Variants in RTCB observed in about 807,000 individuals in gnomAD.
RTCB encodes RNA-splicing ligase RTCB.
A neutral mutation model predicts 58.2 loss-of-function variants in RTCB; 32 were observed. That is an observed-to-expected ratio of 0.55 (90% CI 0.41 to 0.74). RTCB has a LOEUF of 0.74. Ranked by LOEUF, RTCB falls within the 30% of genes least tolerant of loss-of-function variation. RTCB has a pLI of 0.00. For synonymous variants in RTCB, 247 were observed against 218.6 expected, an observed-to-expected ratio of 1.13 and a Z score of -1.15; for missense variants, 523 against 639.0, an observed-to-expected ratio of 0.82 and a Z score of 1.96.
intron 1 of RTCB, among the ~76,000 whole-genome samples, chr22:32,411,704 G>A (rs1193819288): frequency 1.3e-5 from 2 of 152,192 alleles, no homozygotes; most frequent in African/African-American, 2.4e-5. Flanking sequence ...TGAACCTGGG[G>A]CTGGCTGTTC....
intron 11 of RTCB, among the ~76,000 whole-genome samples, chr22:32,391,385 C>T (rs1372777731): frequency 6.7e-6 from 1 of 149,988 alleles, no homozygotes; most frequent in Admixed American, 6.7e-5. Flanking sequence ...AAAACTATGA[C>T]AATAAGTAAA....
In RTCB at chr22:32,398,056, A is replaced by C. The variant is rs187267463; in HGVS notation, c.699T>G (p.Val233=). The C allele has an allele frequency of 1.4e-5, 23 of 1,614,146 alleles. No individual in the cohort carries two copies. Among genetic ancestry groups the C allele is most frequent in the Non-Finnish European group, 1.8e-5 (21 of 1,180,002 alleles). ...GAGNHYAEIQ[V]VDEIFNEYAA... is the part of the protein sequence containing the mutation. The stretch of plus-strand genomic sequence containing the variant: ...CATACTCATTGAAAATCTCATCCAC[A>C]ACCTGGATTTCTGCATAATGGTTGC... The change falls in exon 7 of 12, where the codon GTT becomes GTG. Residue 233 remains valine (V), a synonymous_variant. Coordinates refer to ENST00000216038, the MANE Select transcript of RTCB (RefSeq NM_014306.5).
Position 32,411,782 on chromosome 22 carries a change from T to C in RTCB, c.93+282A>G, listed in dbSNP as rs9609537. Among the ~76,000 whole-genome samples, 49,864 of 152,028 alleles carry C rather than the reference T, an allele frequency of 0.33. 8,350 individuals carry two copies. The highest frequency in any genetic ancestry group is 0.47 in the Middle Eastern group (138 of 294). ...GCTCACGATACGTTTATGAGACTGA[T>C]CTGTGAAAACGCTTTGGAAACCCCA... On this transcript the variant is annotated intron_variant, in intron 1 of 11. Transcript: ENST00000216038.
At chr22:32,411,053 C>A (rs1246048776) in intron 1 of RTCB, among the ~76,000 whole-genome samples, 1 of 152,158 alleles carries the variant, frequency 6.6e-6, no homozygotes, top group Non-Finnish European at 1.5e-5. Flanking sequence ...ACGGTTTCCA[C>A]ACAAAGAAAG....
chr22:32,392,103 G>A, intron 11 of RTCB, 137 bp downstream of exon 11: 2 of 858,132 alleles, frequency 2.3e-6, no homozygotes, highest in Admixed American at 2.8e-5. Context: ...AGGAAGATAA[G>A]CCAAAATTGA....
chr22:32,392,132 C>A (rs1054769120), intron 11 of RTCB, 108 bp downstream of exon 11: 14 of 1,215,796 alleles, frequency 1.2e-5, no homozygotes, highest in South Asian at 5.5e-5. Flanking sequence ...AAAAAAATAA[C>A]CCAAACAATT....
At chr22:32,409,815 A>G (rs1406412869) in intron 1 of RTCB, among the ~76,000 whole-genome samples, 3 of 108,024 alleles carry the variant, frequency 2.8e-5, no homozygotes, top group Non-Finnish European at 5.6e-5. Context: ...CAGCTCTTAT[A>G]TACTTTTGTT....
At chr22:32,394,599 C>T (rs978088376) in intron 9 of RTCB, among the ~76,000 whole-genome samples, 45 of 152,082 alleles carry the variant, frequency 3.0e-4, no homozygotes, top group African/African-American at 1.1e-3. Flanking sequence ...GAACCACCAT[C>T]CTGAGCAAGG....
In RTCB at chr22:32,400,565, C is replaced by A. The variant is rs931497619; in HGVS notation, c.498-806G>T. Among the ~76,000 whole-genome samples the A allele has an allele frequency of 4.6e-5, 7 of 152,292 alleles. No individual in the cohort carries two copies. In the East Asian group the frequency reaches 1.3e-3, roughly 29 times the overall value. ...ATTTCAGTATTAGTAGACAAAATTC[C>A]TATCTAAAATGTTTATAAAGATGTT... On this transcript the variant is annotated intron_variant, in intron 5 of 11. Transcript: ENST00000216038.
In RTCB at chr22:32,396,130, C is replaced by T. The variant is rs760031450; in HGVS notation, c.934G>A (p.Ala312Thr). 2 of 1,614,072 alleles carry T rather than the reference C, an allele frequency of 1.2e-6. No homozygotes were observed. Among genetic ancestry groups the T allele is most frequent in the Middle Eastern group, 1.6e-4 (1 of 6,084 alleles). Reference protein sequence around the residue: ...EGQDYLKGMAAAGNYAWVNRS... With the variant: ...EGQDYLKGMATAGNYAWVNRS... Reference sequence around the variant, plus strand: ...TTGACCCAGGCATAGTTCCCAGCAGCTGCCATTCCCTTCAGATAGTCTTGA... The same window carrying T: ...TTGACCCAGGCATAGTTCCCAGCAGTTGCCATTCCCTTCAGATAGTCTTGA... Residue 312 changes from alanine to threonine, a missense_variant, in exon 8 of 12, where the codon GCT becomes ACT. By Grantham distance (58) the Ala-to-Thr change is moderately conservative. Transcript: ENST00000216038.
intron 1 of RTCB, among the ~76,000 whole-genome samples, chr22:32,409,369 A>T (rs1315605626): frequency 6.6e-6 from 1 of 152,136 alleles, no homozygotes. Flanking sequence ...GAAAAATTTA[A>T]CATGCAGCTA....
At chr22:32,403,412 A>C (rs1933370755) in intron 4 of RTCB, among the ~76,000 whole-genome samples, 1 of 152,174 alleles carries the variant, frequency 6.6e-6, no homozygotes, top group African/African-American at 2.4e-5. Context: ...GTCTCAAAAA[A>C]AAAAGAAAAA....
In RTCB at chr22:32,408,790, ATC is replaced by A. The variant is rs1454618939; in HGVS notation, c.135_136del (p.Leu45PhefsTer3). 1 of 1,614,052 alleles carries A rather than the reference ATC, an allele frequency of 6.2e-7. No homozygotes were observed. The highest frequency in any genetic ancestry group is 1.1e-5 in the South Asian group (1 of 91,072). On this transcript the variant is annotated frameshift_variant, in exon 2 of 12. Transcript: ENST00000216038. LOFTEE classifies it high-confidence loss of function. ...ACAGGCATTCCTTAATTCCTCAAAC[ATC>A]AATTTCTCCAGAGCATCATTCACAT...
chr22:32,394,362 T>C (rs955074491), intron 9 of RTCB, among the ~76,000 whole-genome samples: 2 of 152,014 alleles, frequency 1.3e-5, no homozygotes, highest in Non-Finnish European at 2.9e-5. Flanking sequence ...TTGCCCGCCT[T>C]GGCCTCCGAA....
chr22:32,393,549 G>A (rs73881679), intron 10 of RTCB, among the ~76,000 whole-genome samples: 5,263 of 152,304 alleles, frequency 0.035, 288 homozygotes, highest in African/African-American at 0.12. Flanking sequence ...GGTCCAGTCA[G>A]TCGCTGAGAT....
intron 4 of RTCB, among the ~76,000 whole-genome samples, chr22:32,404,701 C>T (rs1329514707): frequency 6.6e-6 from 1 of 152,104 alleles, no homozygotes; most frequent in Non-Finnish European, 1.5e-5. Flanking sequence ...GTTTTTGAGA[C>T]AGGGTCTCAC....
At chr22:32,404,740 G>A (rs867984471) in intron 4 of RTCB, among the ~76,000 whole-genome samples, 3 of 151,954 alleles carry the variant, frequency 2.0e-5, no homozygotes, top group South Asian at 2.1e-4. Flanking sequence ...CTGCAGTGGC[G>A]CAATCTCAGC....
Position 32,388,093 on chromosome 22 carries a change from C to G in RTCB, c.1417G>C (p.Glu473Gln). The change falls in exon 12 of 12, where the codon GAG becomes CAG. Residue 473 changes from glutamate (E) to glutamine (Q), a missense_variant. By Grantham distance (29) the Glu-to-Gln change is conservative. This residue lies in a region of RTCB where 248 missense variants were observed against 292.5 expected (regional missense o/e 0.85). Coordinates refer to ENST00000216038, the MANE Select transcript of RTCB (RefSeq NM_014306.5). ...ACATCTGTCACATTCTTATAGGACT[C>G]AGGAGCCTGCAGGAGAGGAATTTAA... ...SPKLVMEEAPESYKNVTDVVN... is the reference protein window; with the variant it reads ...SPKLVMEEAPQSYKNVTDVVN... 6.3e-7 allele frequency: 1 copy of G among 1,594,814 alleles called. No individual in the cohort carries two copies. The highest frequency in any genetic ancestry group is 8.6e-7 in the Non-Finnish European group (1 of 1,162,676).
rs140033410 is a variant in RTCB at position 32,399,905 on chromosome 22, C to G, written c.498-146G>C. ...TTGAGTCAGATACAAAGTTTAAGCT[C>G]TCAGTAACTGGTTTTTTGAGGAATG... On this transcript the variant is annotated intron_variant, in intron 5 of 11. Coordinates refer to ENST00000216038, the MANE Select transcript of RTCB (RefSeq NM_014306.5). The G allele has an allele frequency of 6.2e-6, 4 of 643,560 alleles. No individual in the cohort carries two copies. In the East Asian group the frequency reaches 1.1e-4, roughly 17 times the overall value. The allele number at this position is 643,560 out of a possible 1,614,324, so 39.9% of individuals were successfully genotyped here.
Sources: gnomAD v4.1 joint callset for allele counts (sites outside exome capture counted in the v4.1 genomes callset) on GRCh38, gnomAD v4.1.1 for gene constraint, gnomAD v4.1.1 regional missense constraint, MANE v1.5 for transcripts, NCBI Gene and HGNC (gene_info 2026-07-23, HGNC 2026-07-21) for gene names.